Variants in UBE2E1 observed in about 807,000 individuals in gnomAD.
The protein encoded by UBE2E1 is ubiquitin conjugating enzyme E2 E1, also known as ubiquitin-conjugating enzyme E2 E1.
In UBE2E1, 6 loss-of-function variants were observed where a neutral mutation model predicts 21.4. That is an observed-to-expected ratio of 0.28 (90% CI 0.15 to 0.55). The LOEUF is 0.55. UBE2E1 is among the 20% of genes least tolerant of loss of function. The pLI is 0.93. For missense variants in UBE2E1, 142 were observed against 236.5 expected (o/e 0.60, Z 2.62); for synonymous variants, 87 against 82.7 (o/e 1.05, Z -0.28).
chr3:23,889,616 C>G, intron 5 of UBE2E1: 2 of 985,324 alleles, frequency 2.0e-6, no homozygotes, highest in Non-Finnish European at 2.4e-6. Context: ...CCTGGCAAGC[C>G]TCACCTGTGC....
At chr3:23,866,090 C>T (rs1308631099) in intron 3 of UBE2E1, among the ~76,000 whole-genome samples, 2 of 152,186 alleles carry the variant, frequency 1.3e-5, no homozygotes, top group African/African-American at 4.8e-5. Flanking sequence ...AGGGCATAAC[C>T]TCACTCATTC....
rs1701210059 is a variant in UBE2E1, at chr3:23,887,299, G to A, written c.204-268G>A. 6.6e-6 allele frequency among the ~76,000 whole-genome samples: 1 copy of A among 152,210 alleles called. No homozygotes were observed. Among genetic ancestry groups the A allele is most frequent in the African/African-American group, 2.4e-5 (1 of 41,462 alleles). On this transcript the variant is annotated intron_variant, in intron 3 of 5. Transcript: ENST00000306627. This position sits in a 1 kb window ranked among gnomAD's most constrained non-coding sequence, Gnocchi z 4.4. ...TTGTTTACACTTTCCTACGTGTCCA[G>A]GAGAGTTTTGAGAATTGAGGAAAGT...
At chr3:23,848,629 C>A (rs1700260222) in intron 3 of UBE2E1, among the ~76,000 whole-genome samples, 1 of 151,920 alleles carries the variant, frequency 6.6e-6, no homozygotes, top group African/African-American at 2.4e-5. Context: ...ACTTAAATGC[C>A]CACATAATGT....
intron 3 of UBE2E1, among the ~76,000 whole-genome samples, chr3:23,875,868 G>A (rs889504597): frequency 6.6e-6 from 1 of 152,222 alleles, no homozygotes; most frequent in Non-Finnish European, 1.5e-5. Context: ...CGCCTCCCAG[G>A]TTCAAGCGAT....
chr3:23,884,559 T>C (rs1193236134), intron 3 of UBE2E1, among the ~76,000 whole-genome samples: 1 of 152,148 alleles, frequency 6.6e-6, no homozygotes, highest in African/African-American at 2.4e-5. Flanking sequence ...GTACAATCCA[T>C]AAATCTGCAT....
At chr3:23,869,724 CAAAAAAAAAAAAA>C (rs5847258) in intron 3 of UBE2E1, among the ~76,000 whole-genome samples, 10 of 76,894 alleles carry the variant, frequency 1.3e-4, no homozygotes, top group African/African-American at 3.2e-4. Flanking sequence ...GACCCTGTGT[CAAAAAAAAAAAAA>C]AAAAAAAAAA....
intron 3 of UBE2E1, among the ~76,000 whole-genome samples, chr3:23,855,734 G>T (rs1184274754): frequency 6.6e-6 from 1 of 152,098 alleles, no homozygotes; most frequent in African/African-American, 2.4e-5. Context: ...GGAGGCTGAG[G>T]CAGGAGAATG....
intron 3 of UBE2E1, among the ~76,000 whole-genome samples, chr3:23,835,326 G>A (rs78598030): frequency 0.015 from 2,321 of 152,240 alleles, 68 homozygotes; most frequent in African/African-American, 0.053. Context: ...AAATTAGCTA[G>A]ATGTGCTGGT....
chr3:23,883,019 G>T (rs374499654), intron 3 of UBE2E1, among the ~76,000 whole-genome samples: 2 of 152,198 alleles, frequency 1.3e-5, no homozygotes, highest in Non-Finnish European at 2.9e-5. Context: ...CCTCAAGCGC[G>T]GCCAGAGTGG....
rs1407854835 is a variant in UBE2E1, at chr3:23,853,984, A to G, written c.204-33583A>G. Among the ~76,000 whole-genome samples the G allele has an allele frequency of 6.6e-6, 1 of 152,162 alleles. No individual in the cohort carries two copies. Among genetic ancestry groups the G allele is most frequent in the African/African-American group, 2.4e-5 (1 of 41,446 alleles). Reference sequence around the variant, plus strand: ...TCAGAATGCTTTATCTTGGTCAGGCATGGTGGCTCATGCCTGTAATCCCAG... The same window carrying G: ...TCAGAATGCTTTATCTTGGTCAGGCGTGGTGGCTCATGCCTGTAATCCCAG... On this transcript the variant is annotated intron_variant, in intron 3 of 5. Coordinates refer to ENST00000306627, the MANE Select transcript of UBE2E1 (RefSeq NM_003341.5). The surrounding 1 kb of genome is among the most constrained non-coding windows in gnomAD (Gnocchi z 4.1).
At chr3:23,819,570 A>T (rs1263124746) in intron 3 of UBE2E1, among the ~76,000 whole-genome samples, 1 of 152,196 alleles carries the variant, frequency 6.6e-6, no homozygotes, top group Non-Finnish European at 1.5e-5. Flanking sequence ...AGTAGGGATT[A>T]TTATGTCTTT....
In UBE2E1 at chr3:23,810,731, C is replaced by G. The variant is rs937386552; in HGVS notation, c.153-729C>G. 13 of 395,934 alleles carry G rather than the reference C, an allele frequency of 3.3e-5. No individual in the cohort carries two copies. Among genetic ancestry groups the G allele is most frequent in the Non-Finnish European group, 4.8e-5 (11 of 226,936 alleles). The allele number at this position is 395,934 out of a possible 1,614,324, so 24.5% of individuals were successfully genotyped here. On this transcript the variant is annotated intron_variant, in intron 2 of 5. Transcript: ENST00000306627. This position sits in a 1 kb window ranked among gnomAD's most constrained non-coding sequence, Gnocchi z 5.8. ...AGAGCTGGGGCGGCGCGGAGCAGCCCCCGTGCGGGCACCCTGTTCCCCTCC... is the reference window on the plus strand; with the variant it reads ...AGAGCTGGGGCGGCGCGGAGCAGCCGCCGTGCGGGCACCCTGTTCCCCTCC...
chr3:23,811,754 AC>A (rs1334457287), intron 3 of UBE2E1, among the ~76,000 whole-genome samples: 2 of 152,234 alleles, frequency 1.3e-5, no homozygotes, highest in Non-Finnish European at 2.9e-5. Flanking sequence ...ATGAAACAAA[AC>A]TAAAGTAAAT....
chr3:23,846,934 A>G (rs1700220267), intron 3 of UBE2E1, among the ~76,000 whole-genome samples: 1 of 152,094 alleles, frequency 6.6e-6, no homozygotes, highest in Non-Finnish European at 1.5e-5. Flanking sequence ...GAAATATTCT[A>G]AGGGCAGGGG....
At chr3:23,878,077 A>G (rs1240709212) in intron 3 of UBE2E1, among the ~76,000 whole-genome samples, 1 of 152,048 alleles carries the variant, frequency 6.6e-6, no homozygotes, top group African/African-American at 2.4e-5. Flanking sequence ...TTGAGGTCAA[A>G]TGTCACAACT....
chr3:23,881,030 T>G (rs1411268945), intron 3 of UBE2E1, among the ~76,000 whole-genome samples: 1 of 152,210 alleles, frequency 6.6e-6, no homozygotes, highest in Non-Finnish European at 1.5e-5. Flanking sequence ...CCAGTGGTCA[T>G]TAGGGGGAAA....
intron 3 of UBE2E1, among the ~76,000 whole-genome samples, chr3:23,837,685 T>C (rs1401047348): frequency 6.6e-6 from 1 of 152,362 alleles, no homozygotes; most frequent in South Asian, 2.1e-4. Flanking sequence ...TTTTCTTTGG[T>C]TGGCTGATTG....
At chr3:23,831,391 C>T (rs1207521206) in intron 3 of UBE2E1, among the ~76,000 whole-genome samples, 6 of 152,036 alleles carry the variant, frequency 3.9e-5, no homozygotes, top group African/African-American at 9.7e-5. Context: ...AACTCTTGGG[C>T]GAGGGACCAG....
chr3:23,836,347 C>T lies in UBE2E1; in HGVS notation c.203+24837C>T, dbSNP rs1041051896. 2.2e-4 allele frequency among the ~76,000 whole-genome samples: 33 copies of T among 152,128 alleles called. No homozygotes were observed. Among genetic ancestry groups the T allele is most frequent in the Admixed American group, 1.4e-3 (21 of 15,266 alleles). On this transcript the variant is annotated intron_variant, in intron 3 of 5. Transcript: ENST00000306627. The surrounding 1 kb of genome is among the most constrained non-coding windows in gnomAD (Gnocchi z 4.1). Reference sequence around the variant, plus strand: ...TCACTTAGTCCTCACAAGTTTTCACCTATAATGTATTTACTCATTAAACAT... The same window carrying T: ...TCACTTAGTCCTCACAAGTTTTCACTTATAATGTATTTACTCATTAAACAT...
Sources: gnomAD v4.1 joint callset for allele counts (sites outside exome capture counted in the v4.1 genomes callset) on GRCh38, gnomAD v4.1.1 for gene constraint, Gnocchi (gnomAD v3.1) non-coding constraint, MANE v1.5 for transcripts, NCBI Gene and HGNC (gene_info 2026-07-23, HGNC 2026-07-21) for gene names.